The following LHFPL3 variants were observed in gnomAD, a reference collection of about 807,000 sequenced individuals.
LHFPL3 encodes the protein LHFPL tetraspan subfamily member 3 protein.
LHFPL3 carries 5 observed loss-of-function variants against 19.3 expected under a neutral mutation model. The observed-to-expected ratio is 0.26, with a 90% CI of 0.14 to 0.54. LHFPL3 has a LOEUF of 0.54. Among genes scored for constraint, LHFPL3 ranks in the 20% least tolerant of loss-of-function variants. The pLI, the probability that LHFPL3 is intolerant of heterozygous loss-of-function variation, is 0.94. For synonymous variants in LHFPL3, 133 were observed against 126.2 expected (o/e 1.05, Z -0.36); for missense variants, 249 against 307.4 (o/e 0.81, Z 1.42).
chr7:104,478,597 A>G (rs1793070998), intron 1 of LHFPL3, among the ~76,000 whole-genome samples: 1 of 152,014 alleles, frequency 6.6e-6, no homozygotes, highest in Non-Finnish European at 1.5e-5. Flanking sequence ...TGCTTATACC[A>G]TCCATGTCTC....
At chr7:104,550,981 G>A (rs987962288) in intron 1 of LHFPL3, among the ~76,000 whole-genome samples, 3 of 151,952 alleles carry the variant, frequency 2.0e-5, no homozygotes, top group Non-Finnish European at 2.9e-5. Context: ...AGCTCTCCTT[G>A]CTCTCTCTCA....
intron 1 of LHFPL3, among the ~76,000 whole-genome samples, chr7:104,651,916 G>T (rs1457817727): frequency 6.6e-6 from 1 of 152,202 alleles, no homozygotes; most frequent in Non-Finnish European, 1.5e-5. Flanking sequence ...CATCACATAT[G>T]TGGGGTGCCT....
At position 104,516,361 on chromosome 7, in the gene LHFPL3, C is replaced by A. The variant is rs920608250; in HGVS notation, c.445+187137C>A. On this transcript the variant is annotated intron_variant, in intron 1 of 2. Transcript: ENST00000424859. ...CAACACGTGGGGATTATGGGAAGTA[C>A]AATTCAAGATGTGATTTGGGTAGGG... Among the ~76,000 whole-genome samples the A allele has an allele frequency of 7.2e-5, 11 of 152,060 alleles. 1 individual carries two copies. The East Asian group carries it at 1.3e-3, about 19-fold the overall frequency.
chr7:104,387,142 G>A (rs1345678368), intron 1 of LHFPL3, among the ~76,000 whole-genome samples: 1 of 152,120 alleles, frequency 6.6e-6, no homozygotes, highest in African/African-American at 2.4e-5. Context: ...TAAAAATGAT[G>A]TCTCAGCAAA....
intron 1 of LHFPL3, among the ~76,000 whole-genome samples, chr7:104,431,697 A>G (rs1180019709): frequency 6.6e-6 from 1 of 152,210 alleles, no homozygotes; most frequent in African/African-American, 2.4e-5. Context: ...GTTGGATATA[A>G]ATATGGAGCT....
chr7:104,738,882 T>A (rs1261356697), intron 2 of LHFPL3: 3 of 152,166 alleles, frequency 2.0e-5, no homozygotes, highest in African/African-American at 7.2e-5. Context: ...GTTTAGGGAT[T>A]ATCTTTGCAT....
chr7:104,899,531 G>A (rs545713949), intron 2 of LHFPL3, among the ~76,000 whole-genome samples: 9 of 152,284 alleles, frequency 5.9e-5, no homozygotes, highest in Non-Finnish European at 1.2e-4. Flanking sequence ...AAAATGATAC[G>A]AAGCTGGTAG....
chr7:104,880,037 CA>C (rs531448501), intron 2 of LHFPL3, among the ~76,000 whole-genome samples: 40 of 142,742 alleles, frequency 2.8e-4, no homozygotes, highest in African/African-American at 6.1e-4. Flanking sequence ...TCTGTCTCTT[CA>C]AAAAAAAAAA....
chr7:104,370,910 G>T (rs2116430351), intron 1 of LHFPL3, among the ~76,000 whole-genome samples: 1 of 152,260 alleles, frequency 6.6e-6, no homozygotes, highest in Middle Eastern at 3.4e-3. Flanking sequence ...TTGAGGCAGA[G>T]AAAAGTTATG....
chr7:104,891,619 C>A (rs1376595949), intron 2 of LHFPL3, among the ~76,000 whole-genome samples: 1 of 152,190 alleles, frequency 6.6e-6, no homozygotes, highest in Non-Finnish European at 1.5e-5. Flanking sequence ...TTGTGTTGGC[C>A]AAGAGCCATT....
chr7:104,477,149 C>T (rs1032579936), intron 1 of LHFPL3, among the ~76,000 whole-genome samples: 4 of 151,984 alleles, frequency 2.6e-5, no homozygotes, highest in Non-Finnish European at 5.9e-5. Flanking sequence ...GCCACCATGC[C>T]CAGCTATATT....
intron 1 of LHFPL3, among the ~76,000 whole-genome samples, chr7:104,631,471 A>G (rs1282720828): frequency 2.0e-5 from 3 of 152,162 alleles, no homozygotes; most frequent in Non-Finnish European, 4.4e-5. Context: ...GATTATCCCT[A>G]CAAGTAAAGG....
intron 2 of LHFPL3, among the ~76,000 whole-genome samples, chr7:104,745,384 A>G (rs141006332): frequency 1.7e-4 from 26 of 152,370 alleles, no homozygotes; most frequent in African/African-American, 5.3e-4. Flanking sequence ...AATTCCAGGA[A>G]TTTTACATGA....
At chr7:104,498,358 C>A (rs1277030533) in intron 1 of LHFPL3, among the ~76,000 whole-genome samples, 4 of 152,160 alleles carry the variant, frequency 2.6e-5, no homozygotes, top group Admixed American at 2.0e-4. Flanking sequence ...CCTTGTCACT[C>A]ATTTCTGCCT....
At chr7:104,854,557 A>G (rs1355781153) in intron 2 of LHFPL3, among the ~76,000 whole-genome samples, 2 of 152,184 alleles carry the variant, frequency 1.3e-5, no homozygotes, top group African/African-American at 4.8e-5. Context: ...AGATCTATTC[A>G]TTAATTATGA....
chr7:104,605,620 G>GCCAT (rs1791080022), intron 1 of LHFPL3, among the ~76,000 whole-genome samples: 2 of 152,090 alleles, frequency 1.3e-5, no homozygotes, highest in Non-Finnish European at 1.5e-5. Context: ...ACTTGATAAA[G>GCCAT]CCATCTGGAA....
intron 2 of LHFPL3, among the ~76,000 whole-genome samples, chr7:104,758,026 T>C (rs1402425623): frequency 2.6e-5 from 4 of 152,118 alleles, no homozygotes; most frequent in African/African-American, 9.7e-5. Context: ...ACAGCCATAA[T>C]AGAAGAATGA....
chr7:104,779,814 CT>C (rs1794691099), intron 2 of LHFPL3, among the ~76,000 whole-genome samples: 1 of 152,250 alleles, frequency 6.6e-6, no homozygotes, highest in Admixed American at 6.5e-5. Flanking sequence ...CCATAGTCTT[CT>C]TATCAGAGCT....
chr7:104,578,101 T>C (rs1010793960), intron 1 of LHFPL3, among the ~76,000 whole-genome samples: 2 of 152,214 alleles, frequency 1.3e-5, no homozygotes, highest in African/African-American at 4.8e-5. Flanking sequence ...TCTAAGTCAC[T>C]TATATTGGTT....
Sources: allele counts gnomAD v4.1 joint callset (sites outside exome capture counted in the v4.1 genomes callset), GRCh38; gene constraint gnomAD v4.1.1; transcripts MANE v1.5; gene names NCBI Gene and HGNC (gene_info 2026-07-23, HGNC 2026-07-21).